Variants in ATP8A2 observed in about 807,000 individuals in gnomAD.
ATP8A2 encodes phospholipid-transporting ATPase IB.
A neutral mutation model predicts 165.6 loss-of-function variants in ATP8A2; 100 were observed. The observed-to-expected ratio is 0.60, with a 90% CI of 0.51 to 0.71. The LOEUF is 0.71. ATP8A2 is among the 30% of genes least tolerant of loss of function. The probability of loss-of-function intolerance (pLI) is 0.00; values close to 1 mark genes in which losing one functional copy is unlikely to be tolerated. For synonymous variants in ATP8A2, 543 were observed against 548.8 expected, an observed-to-expected ratio of 0.99 and a Z score of 0.15; for missense variants, 1,227 against 1,479.5, an observed-to-expected ratio of 0.83 and a Z score of 2.80.
chr13:25,584,610 T>C (rs1371310747), intron 23 of ATP8A2, among the ~76,000 whole-genome samples: 1 of 152,178 alleles, frequency 6.6e-6, no homozygotes, highest in East Asian at 1.9e-4. Flanking sequence ...TTCTTATAGC[T>C]CGAGGAGGAA....
chr13:25,823,987 T>A (rs530910553), intron 27 of ATP8A2, among the ~76,000 whole-genome samples: 3 of 152,318 alleles, frequency 2.0e-5, no homozygotes, highest in Non-Finnish European at 4.4e-5. Context: ...GTTCTTTTTT[T>A]TGAGGCAGAG....
At chr13:25,887,965 A>G (rs776689486) in intron 33 of ATP8A2, among the ~76,000 whole-genome samples, 1 of 152,160 alleles carries the variant, frequency 6.6e-6, no homozygotes, top group East Asian at 1.9e-4. Flanking sequence ...ATTTCAACAC[A>G]CTAACATGGA....
At chr13:25,421,708 G>A (rs1191522758) in intron 1 of ATP8A2, among the ~76,000 whole-genome samples, 2 of 152,186 alleles carry the variant, frequency 1.3e-5, no homozygotes, top group African/African-American at 4.8e-5. Flanking sequence ...GTTTTTACTT[G>A]TACAGGACTG....
chr13:25,893,305 G>GT (rs1953436919), intron 33 of ATP8A2, among the ~76,000 whole-genome samples: 1 of 149,666 alleles, frequency 6.7e-6, no homozygotes, highest in Non-Finnish European at 1.5e-5. Context: ...GCGGTGTTTG[G>GT]TTTTTTGTCC....
At chr13:25,707,843 T>C (rs1011299182) in intron 25 of ATP8A2, among the ~76,000 whole-genome samples, 1 of 152,212 alleles carries the variant, frequency 6.6e-6, no homozygotes, top group African/African-American at 2.4e-5. Context: ...TAGTGTTTGT[T>C]TGCAGAAGCT....
intron 26 of ATP8A2, among the ~76,000 whole-genome samples, chr13:25,772,751 T>A (rs139022019): frequency 0.052 from 7,080 of 137,286 alleles, 195 homozygotes; most frequent in Non-Finnish European, 0.076. Flanking sequence ...TTTATTTATT[T>A]ATTTATTTAT....
intron 24 of ATP8A2, among the ~76,000 whole-genome samples, chr13:25,606,239 A>G (rs1314165357): frequency 6.6e-6 from 1 of 152,224 alleles, no homozygotes; most frequent in Non-Finnish European, 1.5e-5. Context: ...TTCCATTTAC[A>G]TAGCTGTCTC....
intron 24 of ATP8A2, among the ~76,000 whole-genome samples, chr13:25,641,907 C>T (rs190955478): frequency 4.0e-5 from 6 of 151,860 alleles, no homozygotes; most frequent in East Asian, 1.9e-4. Flanking sequence ...ACAGAGATAT[C>T]GACCAATGGA....
intron 1 of ATP8A2, among the ~76,000 whole-genome samples, chr13:25,444,641 T>C (rs931558152): frequency 6.6e-6 from 1 of 152,006 alleles, no homozygotes; most frequent in African/African-American, 2.4e-5. Flanking sequence ...ATCTGTTTTT[T>C]TTTTTTGTTT....
chr13:25,473,167 AT>A (rs2035895397), intron 2 of ATP8A2, among the ~76,000 whole-genome samples: 1 of 152,170 alleles, frequency 6.6e-6, no homozygotes, highest in Non-Finnish European at 1.5e-5. Flanking sequence ...AATTCCTTGA[AT>A]TTTTGGGAGG....
Position 25,577,153 on chromosome 13 carries a change from A to C in ATP8A2, c.1782+15A>C. 1 of 1,612,026 alleles carries C rather than the reference A, an allele frequency of 6.2e-7. No homozygotes were observed. The highest frequency in any genetic ancestry group is 8.5e-7 in the Non-Finnish European group (1 of 1,178,208). ...GTAAAGGGGCTGTAAGTACCGGAGAAGCGTTGTGCGTAGCGGAGTTCTTGG... is the reference window on the plus strand; with the variant it reads ...GTAAAGGGGCTGTAAGTACCGGAGACGCGTTGTGCGTAGCGGAGTTCTTGG... On this transcript the variant is annotated intron_variant, in intron 20 of 36. Transcript: ENST00000381655.
intron 24 of ATP8A2, among the ~76,000 whole-genome samples, chr13:25,599,516 C>T (rs12100188): frequency 0.16 from 24,318 of 152,216 alleles, 2,417 homozygotes; most frequent in Non-Finnish European, 0.24. Context: ...AGTTACTTTA[C>T]CACGCCTAGA....
chr13:25,380,350 T>C (rs1409063292), intron 1 of ATP8A2, among the ~76,000 whole-genome samples: 1 of 152,140 alleles, frequency 6.6e-6, no homozygotes, highest in Non-Finnish European at 1.5e-5. Context: ...GTCAGATTAT[T>C]GAAGTTGAAG....
chr13:25,509,585 T>G (rs1049362885), intron 2 of ATP8A2, among the ~76,000 whole-genome samples: 1 of 152,164 alleles, frequency 6.6e-6, no homozygotes, highest in Non-Finnish European at 1.5e-5. Flanking sequence ...ATGTTGTGTT[T>G]TTTTCATTAT....
chr13:25,513,278 C>G (rs1293626139), intron 2 of ATP8A2, among the ~76,000 whole-genome samples: 4 of 151,064 alleles, frequency 2.6e-5, no homozygotes, highest in Non-Finnish European at 5.9e-5. Flanking sequence ...ACCTCCCAGA[C>G]GGGGTCGCGG....
intron 24 of ATP8A2, among the ~76,000 whole-genome samples, chr13:25,606,596 G>A (rs1054169775): frequency 1.3e-5 from 2 of 152,066 alleles, no homozygotes; most frequent in Non-Finnish European, 2.9e-5. Context: ...GTCCAACTGA[G>A]CATATTCATT....
intron 2 of ATP8A2, among the ~76,000 whole-genome samples, chr13:25,506,940 C>CATATATAT (rs59774160): frequency 0.075 from 9,701 of 128,518 alleles, 527 homozygotes; most frequent in Non-Finnish European, 0.099. Context: ...CAGTACAGTA[C>CATATATAT]ATATATATAT....
intron 1 of ATP8A2, among the ~76,000 whole-genome samples, chr13:25,425,868 G>A (rs893493759): frequency 1.4e-4 from 22 of 152,326 alleles, no homozygotes; most frequent in Non-Finnish European, 2.8e-4. Context: ...GAGCCACTGC[G>A]CCCGGCCAGA....
At chr13:25,677,323 G>C (rs1348726998) in intron 24 of ATP8A2, among the ~76,000 whole-genome samples, 1 of 152,158 alleles carries the variant, frequency 6.6e-6, no homozygotes. Flanking sequence ...AAGTTTTATT[G>C]GACAACATTG....
Sources: gnomAD v4.1 joint callset for allele counts (sites outside exome capture counted in the v4.1 genomes callset) on GRCh38, gnomAD v4.1.1 for gene constraint, MANE v1.5 for transcripts, NCBI Gene and HGNC (gene_info 2026-07-23, HGNC 2026-07-21) for gene names.